The following MYLK3 variants were observed in gnomAD, a reference collection of about 807,000 sequenced individuals.
MYLK3 encodes myosin light chain kinase 3, also known as MLC kinase.
Under a neutral mutation model 76.3 loss-of-function variants are expected in MYLK3, and 55 were observed. The observed-to-expected ratio is 0.72, with a 90% CI of 0.58 to 0.90. MYLK3 has a LOEUF of 0.90. MYLK3 is among the 40% of genes least tolerant of loss of function. The probability of loss-of-function intolerance (pLI) is 0.00; values close to 1 mark genes in which losing one functional copy is unlikely to be tolerated. For missense variants in MYLK3, 973 were observed against 1,053.6 expected, an observed-to-expected ratio of 0.92 and a Z score of 1.06; for synonymous variants, 416 against 425.4, an observed-to-expected ratio of 0.98 and a Z score of 0.27.
chr16:46,730,503 T>A (rs1340097959), intron 5 of MYLK3, 90 bp downstream of exon 5: 1 of 1,065,560 alleles, frequency 9.4e-7, no homozygotes, highest in Non-Finnish European at 1.4e-6. Flanking sequence ...AGAGTCATCC[T>A]GCAGCACCCA....
At chr16:46,710,614 G>A in intron 11 of MYLK3, 23 bp downstream of exon 11, 1 of 1,613,702 alleles carries the variant, frequency 6.2e-7, no homozygotes, top group Non-Finnish European at 8.5e-7. Context: ...AAGGGCCCAT[G>A]AGTGACAAGC....
At position 46,706,657 on chromosome 16, in the gene MYLK3, A is replaced by G. The variant is rs1339928265; in HGVS notation, c.*1047T>C. 2 of 152,230 alleles carry G rather than the reference A, an allele frequency of 1.3e-5. No homozygotes were observed. Among genetic ancestry groups the G allele is most frequent in the Non-Finnish European group, 2.9e-5 (2 of 68,040 alleles). 9.4% of individuals were successfully genotyped at this position (152,230 alleles called of 1,614,324 possible). A position where few individuals can be genotyped will look rare whatever the true frequency, so the allele number is the denominator to read the frequency against. On this transcript the variant is annotated 3_prime_UTR_variant, in exon 13 of 13. Transcript: ENST00000394809. Reference sequence around the variant, plus strand: ...AGTTACTAAAATCATAAGGAGGAAAACATATGTTTACTATTCATTAAGTGA... The same window carrying G: ...AGTTACTAAAATCATAAGGAGGAAAGCATATGTTTACTATTCATTAAGTGA...
At position 46,747,963 on chromosome 16, in the gene MYLK3, C is replaced by A; in HGVS notation, c.231G>T (p.Gly77=). 6.2e-7 allele frequency: 1 copy of A among 1,613,088 alleles called. No homozygotes were observed. The highest frequency in any genetic ancestry group is 8.5e-7 in the Non-Finnish European group (1 of 1,179,774). Reference sequence around the variant, plus strand: ...TGTCAATGTGGGGAACCCCATCAGCCCCGCCCGGGCCCGGTGCCCGGGAGG... The same window carrying A: ...TGTCAATGTGGGGAACCCCATCAGCACCGCCCGGGCCCGGTGCCCGGGAGG... ...LEASRAPGPG[G]ADGVPHIDTQ... Residue 77 remains glycine (G), a synonymous_variant, in exon 1 of 13, where the codon GGG becomes GGT. Coordinates refer to ENST00000394809, the MANE Select transcript of MYLK3 (RefSeq NM_182493.3).
At chr16:46,733,824 G>A (rs1966857820) in intron 3 of MYLK3, among the ~76,000 whole-genome samples, 1 of 152,164 alleles carries the variant, frequency 6.6e-6, no homozygotes, top group African/African-American at 2.4e-5. Flanking sequence ...CTCGATTCTG[G>A]GCTTAGCTCT....
chr16:46,716,604 G>C (rs1396623613), intron 9 of MYLK3, among the ~76,000 whole-genome samples: 1 of 151,746 alleles, frequency 6.6e-6, no homozygotes, highest in Admixed American at 6.6e-5. Flanking sequence ...CCTCAGGAGA[G>C]AATCTCTCTC....
At chr16:46,757,600 C>T in intron 1 of MYLK3, 1 of 985,416 alleles carries the variant, frequency 1.0e-6, no homozygotes, top group East Asian at 1.1e-4. Context: ...ATGAGGTGGG[C>T]TGGCTGGCCA....
intron 3 of MYLK3, among the ~76,000 whole-genome samples, chr16:46,735,487 T>C (rs1039110633): frequency 6.6e-6 from 1 of 152,260 alleles, no homozygotes; most frequent in East Asian, 1.9e-4. Flanking sequence ...ATTACAAGCA[T>C]GAGCCACTGT....
In MYLK3 at chr16:46,730,569, CA is replaced by C. The variant is rs112400019; in HGVS notation, c.1568+23del. On this transcript the variant is annotated intron_variant, in intron 5 of 12. Transcript: ENST00000394809. ...CCCGTGACTCCTGCTCTAAGCCCCC[CA>C]ACCAAGGCAGATGCCCACCTACCCT... 1.3e-4 allele frequency: 202 copies of C among 1,599,788 alleles called. No homozygotes were observed. The African/African-American group carries it at 2.5e-3, about 20-fold the overall frequency.
At chr16:46,763,141 A>G (rs772107235) in exon 1 of MYLK3, 27 of 984,328 alleles carry the variant, frequency 2.7e-5, no homozygotes, top group Non-Finnish European at 3.0e-5. Flanking sequence ...ATACACAGAC[A>G]AACTTAAACC....
intron 8 of MYLK3, 54 bp downstream of exon 8, chr16:46,727,182 C>G: frequency 6.3e-7 from 1 of 1,586,302 alleles, no homozygotes; most frequent in South Asian, 1.1e-5. Context: ...GGTGAGAGCA[C>G]GCCAGGAGCT....
chr16:46,748,279 G>A lies in MYLK3; in HGVS notation c.-86C>T, dbSNP rs2143017285. On this transcript the variant is annotated 5_prime_UTR_variant, in exon 1 of 13. Transcript: ENST00000394809. The surrounding 1 kb of genome is among the most constrained non-coding windows in gnomAD (Gnocchi z 4.3). The stretch of plus-strand genomic sequence containing the variant: ...CTCACTCAGGCGGTGGTGTCTGCAA[G>A]GTCATTGTCCTCCGTAGCTGACAGA... 6.7e-7 allele frequency: 1 copy of A among 1,494,156 alleles called. No homozygotes were observed. Among genetic ancestry groups the A allele is most frequent in the South Asian group, 1.3e-5 (1 of 74,722 alleles). 92.6% of individuals were successfully genotyped at this position (1,494,156 alleles called of 1,614,324 possible).
intron 1 of MYLK3, chr16:46,757,511 A>G: frequency 1.0e-5 from 10 of 985,358 alleles, no homozygotes; most frequent in Non-Finnish European, 1.2e-5. Context: ...GTCCCCATCC[A>G]TCAGCCACTG....
intron 1 of MYLK3, among the ~76,000 whole-genome samples, chr16:46,746,897 G>A (rs1967035235): frequency 6.6e-6 from 1 of 152,126 alleles, no homozygotes; most frequent in South Asian, 2.1e-4. Flanking sequence ...TGCGGGGAGG[G>A]GAGGCATGCT....
upstream of MYLK3, among the ~76,000 whole-genome samples, chr16:46,749,210 C>T (rs895708487): frequency 2.0e-5 from 3 of 152,234 alleles, no homozygotes; most frequent in Admixed American, 6.5e-5. Flanking sequence ...CGAGGTGGGG[C>T]ACAGGGAGCC....
chr16:46,742,459 C>A (rs1015912233), intron 1 of MYLK3, among the ~76,000 whole-genome samples: 3 of 102,656 alleles, frequency 2.9e-5, no homozygotes, highest in Non-Finnish European at 6.2e-5. Context: ...CACACACACA[C>A]ACACACACAC....
chr16:46,707,381 A>G lies in MYLK3; in HGVS notation c.*323T>C, dbSNP rs1464181692. 1 of 225,878 alleles carries G rather than the reference A, an allele frequency of 4.4e-6. No individual in the cohort carries two copies. The highest frequency in any genetic ancestry group is 8.6e-6 in the Non-Finnish European group (1 of 116,338). 14.0% of individuals were successfully genotyped at this position (225,878 alleles called of 1,614,324 possible). Reference sequence around the variant, plus strand: ...AAGTAGTCTACTGAGTTCCTTAATCAGTGTGAGTTTAGAATTTAAATTCGA... The same window carrying G: ...AAGTAGTCTACTGAGTTCCTTAATCGGTGTGAGTTTAGAATTTAAATTCGA... On this transcript the variant is annotated 3_prime_UTR_variant, in exon 13 of 13. Transcript: ENST00000394809.
chr16:46,745,695 G>A (rs1346781875), intron 1 of MYLK3, among the ~76,000 whole-genome samples: 2 of 152,140 alleles, frequency 1.3e-5, no homozygotes, highest in Admixed American at 6.5e-5. Context: ...GCAGTCAGTC[G>A]AGATCGCGCC....
chr16:46,736,150 T>C (rs1414695820), intron 3 of MYLK3, among the ~76,000 whole-genome samples: 1 of 152,118 alleles, frequency 6.6e-6, no homozygotes, highest in Non-Finnish European at 1.5e-5. Context: ...ATGCATGGAT[T>C]ACAGGTGCAC....
In MYLK3 at chr16:46,704,848, A is replaced by G. The variant is rs758137266; in HGVS notation, c.*2856T>C. The G allele has an allele frequency of 6.6e-6, 1 of 152,222 alleles. No homozygotes were observed. The highest frequency in any genetic ancestry group is 1.5e-5 in the Non-Finnish European group (1 of 68,030). 9.4% of individuals were successfully genotyped at this position (152,222 alleles called of 1,614,324 possible). A position where few individuals can be genotyped will look rare whatever the true frequency, so the allele number is the denominator to read the frequency against. Reference sequence around the variant, plus strand: ...ATGAACCACAATAGAACTATAAAATATACTCTCTAGCTCCTTCTGGAGGCT... The same window carrying G: ...ATGAACCACAATAGAACTATAAAATGTACTCTCTAGCTCCTTCTGGAGGCT... On this transcript the variant is annotated 3_prime_UTR_variant, in exon 13 of 13. Transcript: ENST00000394809.
Sources: gnomAD v4.1 joint callset for allele counts (sites outside exome capture counted in the v4.1 genomes callset) on GRCh38, gnomAD v4.1.1 for gene constraint, Gnocchi (gnomAD v3.1) non-coding constraint, MANE v1.5 for transcripts, NCBI Gene and HGNC (gene_info 2026-07-23, HGNC 2026-07-21) for gene names.